The following SERINC1 variants were observed in gnomAD, a reference collection of about 807,000 sequenced individuals.
The protein encoded by SERINC1 is serine incorporator 1, also known as tumor differentially expressed protein 2.
Under a neutral mutation model 52.9 loss-of-function variants are expected in SERINC1, and 38 were observed. The observed-to-expected ratio is 0.72, with a 90% CI of 0.55 to 0.94. The LOEUF (loss-of-function observed/expected upper bound fraction) is 0.94. SERINC1 is among the 40% of genes least tolerant of loss of function. SERINC1 has a pLI of 0.00. For missense variants in SERINC1, 471 were observed against 533.9 expected (o/e 0.88, Z 1.16); for synonymous variants, 198 against 183.1 (o/e 1.08, Z -0.66).
intron 3 of SERINC1, among the ~76,000 whole-genome samples, chr6:122,455,035 G>A (rs1032800520): frequency 6.6e-6 from 1 of 152,022 alleles, no homozygotes; most frequent in African/African-American, 2.4e-5. Flanking sequence ...TAGTATTTTG[G>A]TTGGGGACTG....
At chr6:122,460,120 G>C (rs1369135459) in intron 1 of SERINC1, among the ~76,000 whole-genome samples, 1 of 152,156 alleles carries the variant, frequency 6.6e-6, no homozygotes, top group African/African-American at 2.4e-5. Context: ...AGGCTGGAGT[G>C]CAGTGGTGCG....
intron 7 of SERINC1, among the ~76,000 whole-genome samples, chr6:122,449,313 T>A (rs1233329657): frequency 6.6e-6 from 1 of 152,204 alleles, no homozygotes; most frequent in Non-Finnish European, 1.5e-5. Flanking sequence ...GGCCTTCTGT[T>A]CCAGTTAGCT....
intron 1 of SERINC1, among the ~76,000 whole-genome samples, chr6:122,464,199 A>T (rs1197732877): frequency 2.6e-5 from 4 of 152,188 alleles, no homozygotes; most frequent in African/African-American, 7.2e-5. Flanking sequence ...ACGACTAGAG[A>T]TGCATTTGTC....
intron 1 of SERINC1, among the ~76,000 whole-genome samples, chr6:122,462,383 G>A (rs1775120951): frequency 1.3e-5 from 2 of 152,032 alleles, no homozygotes; most frequent in South Asian, 4.1e-4. Flanking sequence ...AATGAGGCAA[G>A]AAAGAAAATA....
At chr6:122,465,645 C>T (rs987737406) in intron 1 of SERINC1, among the ~76,000 whole-genome samples, 1 of 152,152 alleles carries the variant, frequency 6.6e-6, no homozygotes, top group Non-Finnish European at 1.5e-5. Context: ...GTAGTCACAG[C>T]TGACAAGTCC....
chr6:122,446,608 GAAGTA>G (rs1010394722), intron 9 of SERINC1, among the ~76,000 whole-genome samples, 161 bp downstream of exon 9: 32 of 152,286 alleles, frequency 2.1e-4, no homozygotes, highest in African/African-American at 6.5e-4. Flanking sequence ...TTAAAGCAAG[GAAGTA>G]AAGACTGCAT....
Position 122,456,663 on chromosome 6 carries a change from A to G in SERINC1, c.202-13T>C, listed in dbSNP as rs1775002191. On this transcript the variant is annotated splice_polypyrimidine_tract_variant and intron_variant, in intron 2 of 9. Transcript: ENST00000339697. ...AAAATCCAGGAATCTAGAAAAACAA[A>G]AGAGTTTATGATCCATCATTTTTTT... 6.4e-7 allele frequency: 1 copy of G among 1,559,982 alleles called. No individual in the cohort carries two copies. Among genetic ancestry groups the G allele is most frequent in the Non-Finnish European group, 8.6e-7 (1 of 1,158,038 alleles).
chr6:122,471,669 G>GC, intron 1 of SERINC1, 30 bp downstream of exon 1: 5 of 1,613,914 alleles, frequency 3.1e-6, no homozygotes, highest in Non-Finnish European at 4.2e-6. Flanking sequence ...TCTCACACTA[G>GC]CACCCCAGAG....
chr6:122,450,250 G>A (rs373714818), intron 7 of SERINC1, among the ~76,000 whole-genome samples: 12 of 152,086 alleles, frequency 7.9e-5, no homozygotes, highest in African/African-American at 2.9e-4. Context: ...AAAATCCTAG[G>A]GCCCTTAAGA....
At chr6:122,459,504 G>C (rs1027630507) in intron 1 of SERINC1, among the ~76,000 whole-genome samples, 1 of 151,980 alleles carries the variant, frequency 6.6e-6, no homozygotes, top group Non-Finnish European at 1.5e-5. Flanking sequence ...ACCAATATAA[G>C]GTAAGAATAA....
intron 1 of SERINC1, among the ~76,000 whole-genome samples, chr6:122,467,237 G>A (rs773202964): frequency 9.9e-5 from 15 of 152,178 alleles, no homozygotes; most frequent in Non-Finnish European, 7.4e-5. Flanking sequence ...TCCAAGGTTC[G>A]ATCAATCATG....
intron 7 of SERINC1, among the ~76,000 whole-genome samples, chr6:122,451,343 A>T (rs1168387664): frequency 6.6e-6 from 1 of 152,184 alleles, no homozygotes. Context: ...ATGCTATGGC[A>T]CACAACAGAC....
chr6:122,461,862 ATTC>A (rs894416607), intron 1 of SERINC1, among the ~76,000 whole-genome samples: 2 of 152,138 alleles, frequency 1.3e-5, no homozygotes, highest in South Asian at 2.1e-4. Flanking sequence ...AAAGAGACAT[ATTC>A]TTCTTATTTA....
At chr6:122,459,302 G>A (rs1775058455) in intron 1 of SERINC1, among the ~76,000 whole-genome samples, 1 of 152,104 alleles carries the variant, frequency 6.6e-6, no homozygotes, top group Admixed American at 6.5e-5. Context: ...AGGAACACTG[G>A]TACAGAGTAT....
In SERINC1 at chr6:122,458,619, G is replaced by A. The variant is rs1775043350; in HGVS notation, c.102C>T (p.Asn34=). 1.2e-6 allele frequency: 2 copies of A among 1,610,256 alleles called. No homozygotes were observed. The highest frequency in any genetic ancestry group is 1.7e-6 in the Non-Finnish European group (2 of 1,176,646). Residue 34 remains asparagine (N), a synonymous_variant, in exon 2 of 10, where the codon AAC becomes AAT. Transcript: ENST00000339697. ...CATAGATCAATCTAGTTACAGTGGA[G>A]TTGTTTCCACTAGGACAGCATCGGC... The part of the protein sequence containing the change: ...LLCRCCPSGN[N]STVTRLIYAL...
intron 1 of SERINC1, among the ~76,000 whole-genome samples, chr6:122,461,605 A>G (rs189822177): frequency 9.2e-5 from 14 of 151,994 alleles, no homozygotes; most frequent in Non-Finnish European, 1.5e-4. Flanking sequence ...ACATGTATAC[A>G]TATGTAACTA....
At chr6:122,453,692 G>A in intron 5 of SERINC1, 78 bp downstream of exon 5, 1 of 1,178,960 alleles carries the variant, frequency 8.5e-7, no homozygotes, top group East Asian at 2.7e-5. Context: ...AAAATCCTAA[G>A]TGATTTACCT....
chr6:122,451,803 A>C, intron 6 of SERINC1, 49 bp from the exon 7 acceptor site: 1 of 638,192 alleles, frequency 1.6e-6, no homozygotes. Context: ...ATAGCAACAC[A>C]GGTAAATAGT....
intron 1 of SERINC1, among the ~76,000 whole-genome samples, chr6:122,465,529 T>C (rs544325109): frequency 6.6e-6 from 1 of 152,332 alleles, no homozygotes; most frequent in Non-Finnish European, 1.5e-5. Context: ...TGCAGGTATA[T>C]TCCCCAGGTT....
Sources: gnomAD v4.1 joint callset for allele counts (sites outside exome capture counted in the v4.1 genomes callset) on GRCh38, gnomAD v4.1.1 for gene constraint, MANE v1.5 for transcripts, NCBI Gene and HGNC (gene_info 2026-07-23, HGNC 2026-07-21) for gene names.